The following TMC1 variants were observed in gnomAD, a reference collection of about 807,000 sequenced individuals.
The protein encoded by TMC1 is transmembrane channel-like protein 1.
Under a neutral mutation model 105.8 loss-of-function variants are expected in TMC1, and 84 were observed. That is an observed-to-expected ratio of 0.79 (90% confidence interval 0.67 to 0.95). The LOEUF (loss-of-function observed/expected upper bound fraction) is 0.95, where lower values mean the gene tolerates loss of function less well. Among genes scored for constraint, TMC1 ranks in the 40% least tolerant of loss-of-function variants. The pLI is 0.00. For synonymous variants in TMC1, 315 were observed against 311.5 expected (o/e 1.01, Z -0.12); for missense variants, 817 against 914.1 (o/e 0.89, Z 1.37).
intron 5 of TMC1, among the ~76,000 whole-genome samples, chr9:72,648,890 T>C (rs1324826359): frequency 6.6e-6 from 1 of 152,174 alleles, no homozygotes; most frequent in African/African-American, 2.4e-5. Context: ...TTTCACCAAC[T>C]GGTAAGTGCT....
intron 5 of TMC1, among the ~76,000 whole-genome samples, chr9:72,650,667 C>T (rs568980053): frequency 4.0e-5 from 6 of 151,710 alleles, no homozygotes; most frequent in African/African-American, 9.7e-5. Context: ...ATCCTCCCCC[C>T]TCACATAGAC....
chr9:72,593,902 T>A (rs1824678838), intron 2 of TMC1, among the ~76,000 whole-genome samples: 1 of 152,070 alleles, frequency 6.6e-6, no homozygotes, highest in African/African-American at 2.4e-5. Flanking sequence ...TGCTCTTCCA[T>A]CAAAGGGCCC....
chr9:72,657,527 A>C (rs947967123), intron 5 of TMC1, among the ~76,000 whole-genome samples: 8 of 152,296 alleles, frequency 5.3e-5, no homozygotes, highest in Non-Finnish European at 7.4e-5. Context: ...TGATGTAAAC[A>C]GGTAAATGAG....
At chr9:72,651,306 T>G in intron 5 of TMC1, 1 of 152,038 alleles carries the variant, frequency 6.6e-6, no homozygotes, top group East Asian at 1.9e-4. Context: ...TAACCTCCTG[T>G]ATGCTGTTTT....
chr9:72,522,800 A>G (rs987758160), intron 1 of TMC1, among the ~76,000 whole-genome samples: 1 of 152,230 alleles, frequency 6.6e-6, no homozygotes, highest in African/African-American at 2.4e-5. Context: ...CTGCTGGAAC[A>G]GCGCTGAATA....
chr9:72,541,987 T>TA (rs1336113753), intron 1 of TMC1, among the ~76,000 whole-genome samples: 21 of 151,584 alleles, frequency 1.4e-4, no homozygotes, highest in Non-Finnish European at 2.4e-4. Flanking sequence ...AAACCAAAAA[T>TA]AAAAAATCTG....
At chr9:72,593,356 T>C (rs1209154081) in intron 2 of TMC1, among the ~76,000 whole-genome samples, 1 of 151,352 alleles carries the variant, frequency 6.6e-6, no homozygotes, top group Non-Finnish European at 1.5e-5. Context: ...CTGGGCAACA[T>C]AGTAAGATCC....
At chr9:72,592,930 G>T (rs764379588) in intron 2 of TMC1, among the ~76,000 whole-genome samples, 1 of 152,180 alleles carries the variant, frequency 6.6e-6, no homozygotes, top group Non-Finnish European at 1.5e-5. Flanking sequence ...ACCAGCAATA[G>T]CGCCATCTGC....
At chr9:72,605,113 A>G (rs927492905) in intron 2 of TMC1, among the ~76,000 whole-genome samples, 1 of 152,356 alleles carries the variant, frequency 6.6e-6, no homozygotes, top group African/African-American at 2.4e-5. Flanking sequence ...ATTGTCTAAC[A>G]TACGCCAAAA....
intron 23 of TMC1, among the ~76,000 whole-genome samples, chr9:72,833,959 T>C (rs1829079939): frequency 6.6e-6 from 1 of 152,122 alleles, no homozygotes; most frequent in African/African-American, 2.4e-5. Flanking sequence ...TACTCATCAA[T>C]GGACTTTTGC....
intron 2 of TMC1, among the ~76,000 whole-genome samples, chr9:72,587,767 G>T (rs1824577361): frequency 1.3e-5 from 2 of 151,746 alleles, no homozygotes; most frequent in African/African-American, 4.8e-5. Context: ...AGTAGGTGGA[G>T]AATACATTTT....
chr9:72,833,685 TG>T (rs34436233), intron 23 of TMC1, among the ~76,000 whole-genome samples: 6,246 of 152,274 alleles, frequency 0.041, 162 homozygotes, highest in African/African-American at 0.05. Context: ...ACTGATAGTT[TG>T]GGGGTCAAAA....
intron 2 of TMC1, among the ~76,000 whole-genome samples, chr9:72,609,982 A>G (rs1587987421): frequency 6.6e-6 from 1 of 152,104 alleles, no homozygotes; most frequent in Non-Finnish European, 1.5e-5. Context: ...TTAAATTGTA[A>G]CTTTTCATTT....
chr9:72,831,724 G>T (rs1241885116), intron 23 of TMC1, among the ~76,000 whole-genome samples: 1 of 152,060 alleles, frequency 6.6e-6, no homozygotes, highest in African/African-American at 2.4e-5. Flanking sequence ...TGCTGAGAAT[G>T]ATGGTTTCCA....
chr9:72,762,779 G>T (rs1827776297), intron 12 of TMC1, among the ~76,000 whole-genome samples: 1 of 152,190 alleles, frequency 6.6e-6, no homozygotes. Context: ...GCTCAGGCAT[G>T]TAACGCTGGG....
intron 13 of TMC1, among the ~76,000 whole-genome samples, chr9:72,772,824 G>A (rs928234856): frequency 3.3e-5 from 5 of 152,124 alleles, no homozygotes; most frequent in South Asian, 2.1e-4. Flanking sequence ...TTTTTTAAAT[G>A]TGTATTTTTG....
intron 17 of TMC1, among the ~76,000 whole-genome samples, chr9:72,795,901 A>G (rs1383986596): frequency 1.3e-5 from 2 of 152,068 alleles, no homozygotes; most frequent in African/African-American, 4.8e-5. Flanking sequence ...TGTCTTCAAG[A>G]GACCCATCTC....
chr9:72,569,301 T>A (rs1447583831), intron 1 of TMC1, among the ~76,000 whole-genome samples: 1 of 152,186 alleles, frequency 6.6e-6, no homozygotes. Flanking sequence ...GATGCAACTT[T>A]TTTTTTTTCC....
chr9:72,653,640 T>C (rs1284824505), intron 5 of TMC1, among the ~76,000 whole-genome samples: 1 of 152,174 alleles, frequency 6.6e-6, no homozygotes, highest in Non-Finnish European at 1.5e-5. Context: ...CAATATACTA[T>C]ATACATTTAA....
Sources: allele counts gnomAD v4.1 joint callset (sites outside exome capture counted in the v4.1 genomes callset), GRCh38; gene constraint gnomAD v4.1.1; transcripts MANE v1.5; gene names NCBI Gene and HGNC (gene_info 2026-07-23, HGNC 2026-07-21).